The following CDH3 variants were observed in gnomAD, a reference collection of about 807,000 sequenced individuals.
The protein encoded by CDH3 is cadherin 3.
CDH3 carries 54 observed loss-of-function variants against 82.0 expected under a neutral mutation model. That is an observed-to-expected ratio of 0.66 (90% CI 0.53 to 0.83). CDH3 has a LOEUF of 0.83. Ranked by LOEUF, CDH3 falls within the 40% of genes least tolerant of loss-of-function variation. The probability of loss-of-function intolerance (pLI) is 0.00; values close to 1 mark genes in which losing one functional copy is unlikely to be tolerated. For synonymous variants in CDH3, 446 were observed against 437.9 expected, an observed-to-expected ratio of 1.02 and a Z score of -0.23; for missense variants, 1,054 against 1,084.6, an observed-to-expected ratio of 0.97 and a Z score of 0.40.
intron 2 of CDH3, among the ~76,000 whole-genome samples, chr16:68,723,614 T>G (rs1962186935): frequency 6.6e-6 from 1 of 152,338 alleles, no homozygotes; most frequent in African/African-American, 2.4e-5. Context: ...TTACACTATG[T>G]TCTGGCCTCC....
At chr16:68,670,378 C>G (rs1051993475) in intron 2 of CDH3, among the ~76,000 whole-genome samples, 2 of 152,118 alleles carry the variant, frequency 1.3e-5, no homozygotes, top group African/African-American at 4.8e-5. Flanking sequence ...ACCGCCACCA[C>G]CCCTCACCCC....
intron 1 of CDH3, among the ~76,000 whole-genome samples, chr16:68,717,289 A>G (rs1962106296): frequency 6.6e-6 from 1 of 152,230 alleles, no homozygotes; most frequent in African/African-American, 2.4e-5. Flanking sequence ...TAGAATGGCT[A>G]AAATTGAAAA....
At chr16:68,686,504 G>A in intron 11 of CDH3, 8 of 1,132,206 alleles carry the variant, frequency 7.1e-6, no homozygotes, top group Middle Eastern at 2.0e-4. Context: ...GAAAAGTATT[G>A]CAGCAACAGT....
At chr16:68,661,435 C>T (rs777625651) in intron 2 of CDH3, among the ~76,000 whole-genome samples, 2 of 152,100 alleles carry the variant, frequency 1.3e-5, no homozygotes, top group African/African-American at 2.4e-5. Flanking sequence ...GTGTATGAAA[C>T]GGCATGTAGT....
At chr16:68,673,690 C>G (rs992187068) in intron 2 of CDH3, among the ~76,000 whole-genome samples, 2 of 152,260 alleles carry the variant, frequency 1.3e-5, no homozygotes. Context: ...CTTTGGGAGG[C>G]CAGGCGGGTG....
At chr16:68,725,213 G>A (rs957939585) in intron 2 of CDH3, among the ~76,000 whole-genome samples, 3 of 152,140 alleles carry the variant, frequency 2.0e-5, no homozygotes, top group Non-Finnish European at 1.5e-5. Context: ...AAGTTGGAGG[G>A]GCCTGCTGCC....
In CDH3 at chr16:68,682,226, G is replaced by C. The variant is rs1961248731; in HGVS notation, c.997-76G>C. 6.0e-6 allele frequency: 9 copies of C among 1,492,896 alleles called. No homozygotes were observed. In the South Asian group the frequency reaches 1.1e-4, roughly 18 times the overall value. The allele number at this position is 1,492,896 out of a possible 1,614,324, so 92.5% of individuals were successfully genotyped here. ...AAAGGCATGGGGATCCCCTGAGGTT[G>C]GATGGAGGCTTCTCAGCCTCTGGAG... On this transcript the variant is annotated intron_variant, in intron 8 of 15. Transcript: ENST00000264012.
At chr16:68,672,208 A>ATAAC (rs1306391013) in intron 2 of CDH3, among the ~76,000 whole-genome samples, 1 of 150,294 alleles carries the variant, frequency 6.7e-6, no homozygotes, top group Non-Finnish European at 1.5e-5. Context: ...AAAAAAATAA[A>ATAAC]TAAATAAAAA....
chr16:68,686,732 A>G, intron 11 of CDH3: 1 of 716,366 alleles, frequency 1.4e-6, no homozygotes, highest in Non-Finnish European at 2.5e-6. Context: ...TGCCCATTCC[A>G]CTGAAGTTCT....
At chr16:68,664,688 C>G (rs777143192) in intron 2 of CDH3, among the ~76,000 whole-genome samples, 2 of 152,074 alleles carry the variant, frequency 1.3e-5, no homozygotes, top group South Asian at 2.1e-4. Flanking sequence ...GAGACAGGGT[C>G]TCTCTCTGTT....
At chr16:68,673,055 C>T (rs531709811) in intron 2 of CDH3, among the ~76,000 whole-genome samples, 2 of 152,284 alleles carry the variant, frequency 1.3e-5, no homozygotes, top group South Asian at 4.1e-4. Context: ...TCTACCCATT[C>T]TCCCTCATTG....
intron 2 of CDH3, among the ~76,000 whole-genome samples, chr16:68,669,810 G>T (rs1220971008): frequency 6.6e-6 from 1 of 152,086 alleles, no homozygotes; most frequent in Non-Finnish European, 1.5e-5. Flanking sequence ...CCCTTAGGAA[G>T]AGGGCTGTTT....
chr16:68,660,762 T>A (rs930986692), intron 2 of CDH3, among the ~76,000 whole-genome samples: 1 of 152,126 alleles, frequency 6.6e-6, no homozygotes, highest in African/African-American at 2.4e-5. Flanking sequence ...ATCGAGACTA[T>A]CCTGGCTAAC....
chr16:68,708,675 G>A (rs527765575), intron 1 of CDH3, among the ~76,000 whole-genome samples: 4 of 146,752 alleles, frequency 2.7e-5, no homozygotes, highest in South Asian at 2.2e-4. Flanking sequence ...ACCGAGTCTC[G>A]CTCTGTCGCC....
chr16:68,716,540 G>C (rs1276683627), intron 1 of CDH3, among the ~76,000 whole-genome samples: 1 of 144,824 alleles, frequency 6.9e-6, no homozygotes, highest in African/African-American at 2.6e-5. Flanking sequence ...AAATTTACTT[G>C]AGCCCAGGAG....
intron 2 of CDH3, among the ~76,000 whole-genome samples, chr16:68,655,899 G>C (rs1960399956): frequency 6.6e-6 from 1 of 152,120 alleles, no homozygotes; most frequent in Admixed American, 6.6e-5. Flanking sequence ...AGGTGGGAAA[G>C]GAGTGATATA....
intron 2 of CDH3, chr16:68,651,895 G>T (rs1177157686): frequency 2.3e-6 from 1 of 439,386 alleles, no homozygotes; most frequent in South Asian, 1.9e-5. Flanking sequence ...GACAGGAGCC[G>T]GTTCTTGACC....
At chr16:68,718,800 A>G (rs918327482) in intron 1 of CDH3, among the ~76,000 whole-genome samples, 2 of 152,234 alleles carry the variant, frequency 1.3e-5, no homozygotes, top group African/African-American at 4.8e-5. Context: ...GAATGAAAAC[A>G]TATGTCCACA....
At chr16:68,657,224 G>C (rs1235994590) in intron 2 of CDH3, among the ~76,000 whole-genome samples, 1 of 152,132 alleles carries the variant, frequency 6.6e-6, no homozygotes, top group East Asian at 1.9e-4. Context: ...GGGAAAGAAA[G>C]CCAAACGGGC....
Sources: allele counts gnomAD v4.1 joint callset (sites outside exome capture counted in the v4.1 genomes callset), GRCh38; gene constraint gnomAD v4.1.1; transcripts MANE v1.5; gene names NCBI Gene and HGNC (gene_info 2026-07-23, HGNC 2026-07-21).